The following BCAR1 variants were observed in gnomAD, a reference collection of about 807,000 sequenced individuals.
The protein encoded by BCAR1 is breast cancer anti-estrogen resistance protein 1.
In BCAR1, 30 loss-of-function variants were observed where a neutral mutation model predicts 67.6. The observed-to-expected ratio is 0.44, with a 90% CI of 0.33 to 0.60. The LOEUF (loss-of-function observed/expected upper bound fraction) is 0.60. BCAR1 is among the 20% of genes least tolerant of loss of function. The probability of loss-of-function intolerance (pLI) is 0.02; values close to 1 mark genes in which losing one functional copy is unlikely to be tolerated. For missense variants in BCAR1, 1,313 were observed against 1,222.3 expected (o/e 1.07, Z -1.11); for synonymous variants, 626 against 556.7 (o/e 1.12, Z -1.75).
chr16:75,252,342 C>T, upstream of BCAR1: 1 of 1,532,942 alleles, frequency 6.5e-7, no homozygotes, highest in East Asian at 2.5e-5. Flanking sequence ...GGCCTAGTAC[C>T]CTCCTGAGTC....
intron 1 of BCAR1, chr16:75,266,069 C>T (rs73605136): frequency 0.11 from 107,319 of 1,014,784 alleles, 6,471 homozygotes; most frequent in East Asian, 0.34. Flanking sequence ...AGGTGAGGAC[C>T]CCGGACCTAG....
In BCAR1 at chr16:75,233,763, C is replaced by T. The variant is rs867545820; in HGVS notation, c.2100+83G>A. The T allele has an allele frequency of 1.4e-5, 20 of 1,402,068 alleles. No homozygotes were observed. The African/African-American group carries it at 1.6e-4, about 11-fold the overall frequency. The allele number at this position is 1,402,068 out of a possible 1,614,324, so 86.9% of individuals were successfully genotyped here. ...CAGACAACATGAGAAGCTGGGGACC[C>T]GGGGTCGGCCCTGCAGGGCAAGAGC... On this transcript the variant is annotated intron_variant, in intron 6 of 6. Coordinates refer to ENST00000162330, the MANE Select transcript of BCAR1 (RefSeq NM_014567.5).
chr16:75,248,105 A>G, intron 1 of BCAR1: 2 of 1,597,822 alleles, frequency 1.3e-6, no homozygotes, highest in East Asian at 4.5e-5. Flanking sequence ...CTGACAGCCC[A>G]GGGTCACTGA....
chr16:75,238,734 T>C, intron 2 of BCAR1: 1 of 985,510 alleles, frequency 1.0e-6, no homozygotes, highest in African/African-American at 1.7e-5. Flanking sequence ...CTCTCCAGAC[T>C]CATCTCCCTC....
intron 1 of BCAR1, chr16:75,263,951 C>T (rs538569473): frequency 1.2e-5 from 13 of 1,123,750 alleles, no homozygotes; most frequent in Middle Eastern, 3.7e-4. Context: ...GAGAGAGCCA[C>T]GGTGATCTGC....
intron 1 of BCAR1, chr16:75,266,780 C>G: frequency 6.9e-7 from 1 of 1,443,686 alleles, no homozygotes; most frequent in Non-Finnish European, 9.2e-7. Flanking sequence ...GGGTGAGCAT[C>G]TAGAGCAAGT....
At chr16:75,250,678 G>T in intron 1 of BCAR1, 1 of 985,514 alleles carries the variant, frequency 1.0e-6, no homozygotes, top group Non-Finnish European at 1.2e-6. Flanking sequence ...CCTCGGTCCA[G>T]CGATCAGCCT....
At position 75,229,996 on chromosome 16, in the gene BCAR1, C is replaced by G. The variant is rs776997481; in HGVS notation, c.2128G>C (p.Glu710Gln). Residue 710 changes from glutamate to glutamine, a missense_variant, in exon 7 of 7, where the codon GAG becomes CAG. Around this residue, in one of 2 missense-constraint regions of BCAR1, gnomAD observed 1,272 missense variants for 1,137.5 expected, o/e 1.12. Transcript: ENST00000162330. ...QLKQFERLEQEVSRPIDHDLA... is the reference protein window; with the variant it reads ...QLKQFERLEQQVSRPIDHDLA... ...TCGTGGTCTATGGGCCGTGACACCT[C>G]CTGTTCCAGTCGTTCAAACTGCTTC... The G allele has an allele frequency of 6.4e-7, 1 of 1,553,582 alleles. No individual in the cohort carries two copies. The highest frequency in any genetic ancestry group is 8.7e-7 in the Non-Finnish European group (1 of 1,147,718).
chr16:75,254,881 G>T (rs1597271255), upstream of BCAR1, among the ~76,000 whole-genome samples: 2 of 152,206 alleles, frequency 1.3e-5, no homozygotes, highest in Non-Finnish European at 1.5e-5. Context: ...AGTGGAGGGG[G>T]TTATACTGGA....
rs139024725 is a variant in BCAR1, at chr16:75,230,020, T to C, written c.2104A>G (p.Lys702Glu). The change falls in exon 7 of 7, where the codon AAG becomes GAG. Residue 702 changes from lysine to glutamate, a missense_variant. Physicochemically the swap from Lys to Glu is moderately conservative, Grantham distance 56. Around this residue, in one of 2 missense-constraint regions of BCAR1, gnomAD observed 1,272 missense variants for 1,137.5 expected, o/e 1.12. Coordinates refer to ENST00000162330, the MANE Select transcript of BCAR1 (RefSeq NM_014567.5). Reference sequence around the variant, plus strand: ...TCCTGTTCCAGTCGTTCAAACTGCTTCAGCTGGGGCAGGAGGGAAGCAGGA... The same window carrying C: ...TCCTGTTCCAGTCGTTCAAACTGCTCCAGCTGGGGCAGGAGGGAAGCAGGA... ...GKSQLELQQL[K>E]QFERLEQEVS... 194 of 1,531,184 alleles carry C rather than the reference T, an allele frequency of 1.3e-4. No homozygotes were observed. The highest frequency in any genetic ancestry group is 5.3e-4 in the South Asian group (41 of 77,582). The allele number at this position is 1,531,184 out of a possible 1,614,324, so 94.8% of individuals were successfully genotyped here.
In BCAR1 at chr16:75,238,024, T is replaced by C. The variant is rs571360306; in HGVS notation, c.634-680A>G. On this transcript the variant is annotated intron_variant, in intron 2 of 6. Coordinates refer to ENST00000162330, the MANE Select transcript of BCAR1 (RefSeq NM_014567.5). ...GCAGCAGGTAAGATCCCCAGCGACC[T>C]GAAAGGATGAGGCCTAGTGGGGGAA... is the stretch of plus-strand genomic sequence containing the variant. The C allele has an allele frequency of 1.6e-5, 20 of 1,287,514 alleles. No individual in the cohort carries two copies. In the East Asian group the frequency reaches 1.1e-3, roughly 68 times the overall value. 79.8% of individuals were successfully genotyped at this position (1,287,514 alleles called of 1,614,324 possible). A position where few individuals can be genotyped will look rare whatever the true frequency, so the allele number is the denominator to read the frequency against.
chr16:75,235,377 C>T lies in BCAR1; in HGVS notation c.1522G>A (p.Val508Met), dbSNP rs1431646124. The change falls in exon 5 of 7, where the codon GTG (valine) becomes ATG (methionine). Residue 508 changes from valine (V) to methionine (M), a missense_variant. Coordinates refer to ENST00000162330, the MANE Select transcript of BCAR1 (RefSeq NM_014567.5). Reference protein sequence around the residue: ...EPLVQDLQAAVAAVQSAVHEL... With the variant: ...EPLVQDLQAAMAAVQSAVHEL... ...TGGACGGCACTCTGGACAGCGGCCA[C>T]AGCAGCCTGCAGGTCCTGCACCAGC... 3.1e-6 allele frequency: 5 copies of T among 1,602,000 alleles called. No individual in the cohort carries two copies. The South Asian group carries it at 3.3e-5, about 11-fold the overall frequency.
intron 1 of BCAR1, chr16:75,248,001 A>C (rs2077569878): frequency 2.8e-6 from 3 of 1,084,776 alleles, no homozygotes; most frequent in Admixed American, 3.4e-5. Context: ...GCTCTTTCCC[A>C]CACAGCCACC....
intron 1 of BCAR1, chr16:75,264,748 C>T (rs12933939): frequency 1.1e-6 from 1 of 911,750 alleles, no homozygotes; most frequent in East Asian, 3.8e-5. Flanking sequence ...CAGAAAGCCC[C>T]CACTGCCTGC....
Position 75,228,758 on chromosome 16 carries a change from C to T in BCAR1, c.*753G>A, listed in dbSNP as rs2076789197. ...TAGGGTTGCAGGGGCCATGCCCAGG[C>T]TGTGCTTTCTGGGCCCCAGACCCTG... is the stretch of plus-strand genomic sequence containing the variant. On this transcript the variant is annotated 3_prime_UTR_variant, in exon 7 of 7. Transcript: ENST00000162330. The T allele has an allele frequency of 6.6e-6, 1 of 152,250 alleles. No individual in the cohort carries two copies. The highest frequency in any genetic ancestry group is 1.9e-4 in the East Asian group (1 of 5,184). The allele number at this position is 152,250 out of a possible 1,614,324, so 9.4% of individuals were successfully genotyped here. A position where few individuals can be genotyped will look rare whatever the true frequency, so the allele number is the denominator to read the frequency against.
intron 6 of BCAR1, among the ~76,000 whole-genome samples, chr16:75,233,433 G>A (rs1408844036): frequency 6.6e-6 from 1 of 152,170 alleles, no homozygotes; most frequent in African/African-American, 2.4e-5. Flanking sequence ...GACGCTAAGT[G>A]GTCTTTGAAA....
chr16:75,250,522 C>G (rs2077647179), intron 1 of BCAR1: 1 of 587,764 alleles, frequency 1.7e-6, no homozygotes, highest in African/African-American at 2.0e-5. Flanking sequence ...GGAAAGGAAA[C>G]CAGGGACTCT....
intron 4 of BCAR1, 62 bp from the exon 5 acceptor site, chr16:75,236,048 G>T: frequency 6.6e-7 from 1 of 1,509,972 alleles, no homozygotes; most frequent in Non-Finnish European, 8.9e-7. Flanking sequence ...AGGGACTGGG[G>T]GCAGCACCCA....
At chr16:75,236,679 A>G (rs2077148423) in intron 4 of BCAR1, 3 of 1,085,938 alleles carry the variant, frequency 2.8e-6, no homozygotes, top group Non-Finnish European at 2.4e-6. Context: ...GCCTCGCAAC[A>G]GGCGGTTCTG....
Sources: allele counts gnomAD v4.1 joint callset (sites outside exome capture counted in the v4.1 genomes callset), GRCh38; gene constraint gnomAD v4.1.1; regional missense constraint gnomAD v4.1.1; transcripts MANE v1.5; gene names NCBI Gene and HGNC (gene_info 2026-07-23, HGNC 2026-07-21).